Variants in ABCC9 observed in about 807,000 individuals in gnomAD.
ABCC9 encodes the protein ATP-binding cassette sub-family C member 9.
A neutral mutation model predicts 188.3 loss-of-function variants in ABCC9; 95 were observed. That is an observed-to-expected ratio of 0.50 (90% CI 0.43 to 0.60). ABCC9 has a LOEUF of 0.60. Among genes scored for constraint, ABCC9 ranks in the 20% least tolerant of loss-of-function variants. ABCC9 has a pLI of 0.00. For missense variants in ABCC9, 1,102 were observed against 1,876.3 expected (o/e 0.59, Z 7.62); for synonymous variants, 659 against 652.7 (o/e 1.01, Z -0.15).
At chr12:21,809,700 G>A in intron 37 of ABCC9, 152 bp downstream of exon 37, 1 of 622,976 alleles carries the variant, frequency 1.6e-6, no homozygotes, top group South Asian at 2.0e-5. Context: ...AAAAACATTA[G>A]ATTTTGAAAT....
intron 20 of ABCC9, among the ~76,000 whole-genome samples, chr12:21,862,008 AT>A (rs1321795910): frequency 2.0e-5 from 3 of 151,886 alleles, no homozygotes; most frequent in Non-Finnish European, 2.9e-5. Context: ...CAATGATTTT[AT>A]TTTCTTAATC....
intron 12 of ABCC9, among the ~76,000 whole-genome samples, chr12:21,902,523 A>T (rs1947814576): frequency 6.6e-6 from 1 of 152,194 alleles, no homozygotes; most frequent in Admixed American, 6.5e-5. Context: ...GTTTTTTGAA[A>T]AGATCAACAA....
chr12:21,827,134 G>T, intron 31 of ABCC9: 2 of 985,368 alleles, frequency 2.0e-6, no homozygotes, highest in Non-Finnish European at 2.4e-6. Flanking sequence ...TGGGTTATGA[G>T]ACAAACTAAA....
intron 18 of ABCC9, among the ~76,000 whole-genome samples, chr12:21,864,924 A>G (rs704197): frequency 0.99 from 150,808 of 152,212 alleles, 74,722 homozygotes; most frequent in East Asian, 1. Context: ...CTTTTTGGGC[A>G]CTAAACACGA....
At chr12:21,892,338 A>T (rs1011843668) in intron 14 of ABCC9, among the ~76,000 whole-genome samples, 8 of 152,150 alleles carry the variant, frequency 5.3e-5, no homozygotes, top group African/African-American at 1.9e-4. Flanking sequence ...ATCTATTGCA[A>T]GTTATCAACT....
At position 21,798,070 on chromosome 12, in the gene ABCC9, T is replaced by G. The variant is rs1487880431; in HGVS notation, c.*2974A>C. 1 of 152,208 alleles carries G rather than the reference T, an allele frequency of 6.6e-6. No individual in the cohort carries two copies. The highest frequency in any genetic ancestry group is 1.5e-5 in the Non-Finnish European group (1 of 68,036). 9.4% of individuals were successfully genotyped at this position (152,208 alleles called of 1,614,324 possible). On this transcript the variant is annotated 3_prime_UTR_variant, in exon 40 of 40. Coordinates refer to ENST00000261200, the MANE Select transcript of ABCC9 (RefSeq NM_020297.4). ...TATCCTTGACCTTATTTAGTCAATT[T>G]AGTTTGTAAACAATTAGACATTTAC...
chr12:21,844,187 G>C lies in ABCC9; in HGVS notation c.3315+296C>G, dbSNP rs2307026. Among the ~76,000 whole-genome samples, 7,830 of 152,158 alleles carry C rather than the reference G, an allele frequency of 0.051. 328 individuals are homozygous for C. The highest frequency in any genetic ancestry group is 0.11 in the South Asian group (533 of 4,812). On this transcript the variant is annotated intron_variant, in intron 28 of 39. Coordinates refer to ENST00000261200, the MANE Select transcript of ABCC9 (RefSeq NM_020297.4). ...AACTTTATACTGTGAATGCTGATATGACTTTAATCAAAACAATTTTTTTAT... is the reference window on the plus strand; with the variant it reads ...AACTTTATACTGTGAATGCTGATATCACTTTAATCAAAACAATTTTTTTAT...
At position 21,859,682 on chromosome 12, in the gene ABCC9, C is replaced by A; in HGVS notation, c.2425-16G>T. The A allele has an allele frequency of 6.2e-7, 1 of 1,602,958 alleles. No individual in the cohort carries two copies. Among genetic ancestry groups the A allele is most frequent in the Non-Finnish European group, 8.5e-7 (1 of 1,170,058 alleles). ...GGTTGATGCCCTAGAGAAGAGACACCCCCAAATACCCATTTTTTAATATTA... is the reference window on the plus strand; with the variant it reads ...GGTTGATGCCCTAGAGAAGAGACACACCCAAATACCCATTTTTTAATATTA... On this transcript the variant is annotated splice_polypyrimidine_tract_variant and intron_variant, in intron 21 of 39. Transcript: ENST00000261200.
chr12:21,849,185 A>G (rs1014868547), intron 24 of ABCC9, among the ~76,000 whole-genome samples: 2 of 152,170 alleles, frequency 1.3e-5, no homozygotes. Flanking sequence ...ATACAAAGAA[A>G]AAAAAACCTA....
At chr12:21,812,329 C>T (rs1942295886) in intron 35 of ABCC9, among the ~76,000 whole-genome samples, 172 bp from the exon 36 acceptor site, 1 of 152,178 alleles carries the variant, frequency 6.6e-6, no homozygotes, top group Admixed American at 6.6e-5. Flanking sequence ...CACCGTTTGA[C>T]TCAGCAATCC....
chr12:21,908,294 T>C (rs2137853369), intron 10 of ABCC9, 83 bp from the exon 11 acceptor site: 2 of 1,481,496 alleles, frequency 1.3e-6, no homozygotes, highest in Non-Finnish European at 1.9e-6. Context: ...TTAGTGCAAA[T>C]GTAGTATTTC....
intron 17 of ABCC9, among the ~76,000 whole-genome samples, 166 bp from the exon 18 acceptor site, chr12:21,872,896 A>G (rs1385730358): frequency 2.0e-5 from 3 of 151,884 alleles, no homozygotes; most frequent in Non-Finnish European, 4.4e-5. Flanking sequence ...TCTTTTTGGA[A>G]AAGGAAAAAT....
chr12:21,828,090 A>C (rs1488621146), intron 31 of ABCC9, among the ~76,000 whole-genome samples: 18 of 152,244 alleles, frequency 1.2e-4, no homozygotes, highest in Non-Finnish European at 8.8e-5. Context: ...AGTAGAGATA[A>C]ACATGCTTTT....
At chr12:21,923,618 C>G in intron 5 of ABCC9, 1 of 538,286 alleles carries the variant, frequency 1.9e-6, no homozygotes, top group Non-Finnish European at 3.3e-6. Flanking sequence ...TAAATTAGAC[C>G]AAGATCACCA....
intron 27 of ABCC9, 25 bp from the exon 28 acceptor site, chr12:21,844,577 TATG>T: frequency 6.2e-7 from 1 of 1,606,390 alleles, no homozygotes. Flanking sequence ...GATGGAAGTA[TATG>T]ATAATACTAA....
At chr12:21,851,645 C>G (rs911408141) in intron 24 of ABCC9, among the ~76,000 whole-genome samples, 6 of 152,156 alleles carry the variant, frequency 3.9e-5, no homozygotes, top group Non-Finnish European at 7.4e-5. Flanking sequence ...TGCCTTACAA[C>G]TTTGCCCACT....
At chr12:21,922,142 T>A (rs1948845447) in intron 5 of ABCC9, among the ~76,000 whole-genome samples, 1 of 152,028 alleles carries the variant, frequency 6.6e-6, no homozygotes, top group Admixed American at 6.6e-5. Flanking sequence ...ATTAAATCTG[T>A]AGATTGCTTT....
intron 12 of ABCC9, among the ~76,000 whole-genome samples, chr12:21,899,889 G>A (rs563044783): frequency 2.7e-3 from 409 of 152,302 alleles, no homozygotes; most frequent in Non-Finnish European, 4.5e-3. Context: ...TGGGGGCAGG[G>A]CATAGCCAAA....
intron 12 of ABCC9, among the ~76,000 whole-genome samples, chr12:21,896,738 A>C (rs1947449746): frequency 6.6e-6 from 1 of 152,116 alleles, no homozygotes; most frequent in Non-Finnish European, 1.5e-5. Context: ...CATGTCCCTG[A>C]AAAGGACATC....
Sources: allele counts gnomAD v4.1 joint callset (sites outside exome capture counted in the v4.1 genomes callset), GRCh38; gene constraint gnomAD v4.1.1; transcripts MANE v1.5; gene names NCBI Gene and HGNC (gene_info 2026-07-23, HGNC 2026-07-21).